POMT1: variants seen among roughly 807,000 people sequenced by gnomAD.
POMT1 encodes the protein protein O-mannosyltransferase 1.
Under a neutral mutation model 101.6 loss-of-function variants are expected in POMT1, and 85 were observed. The observed-to-expected ratio is 0.84, with a 90% CI of 0.70 to 1.00. POMT1 has a LOEUF of 1.00. Among genes scored for constraint, POMT1 ranks in the 50% least tolerant of loss-of-function variants. POMT1 has a pLI of 0.00. For synonymous variants in POMT1, 371 were observed against 383.0 expected (o/e 0.97, Z 0.37); for missense variants, 857 against 930.4 (o/e 0.92, Z 1.03).
At chr9:131,517,807 G>A (rs1054191914) in intron 13 of POMT1, among the ~76,000 whole-genome samples, 5 of 152,344 alleles carry the variant, frequency 3.3e-5, no homozygotes, top group African/African-American at 1.2e-4. Context: ...AGGAAGGAGG[G>A]AGCATGCGTG....
intron 5 of POMT1, 113 bp from the exon 6 acceptor site, chr9:131,508,798 C>A: frequency 2.7e-6 from 2 of 748,530 alleles, no homozygotes; most frequent in Non-Finnish European, 4.8e-6. Context: ...TTCACAACAG[C>A]CCCACACAGT....
chr9:131,514,138 C>T lies in POMT1; in HGVS notation c.1175+807C>T, dbSNP rs1326563450. Among the ~76,000 whole-genome samples the T allele has an allele frequency of 2.0e-5, 3 of 152,324 alleles. No individual in the cohort carries two copies. The East Asian group carries it at 5.8e-4, about 29-fold the overall frequency. On this transcript the variant is annotated intron_variant, in intron 12 of 19. Transcript: ENST00000402686. Reference sequence around the variant, plus strand: ...TGTTTCTCAACCTTCAGAACCAGCCCTGGGTAGGGGTCCTTCCTTCTCCCT... The same window carrying T: ...TGTTTCTCAACCTTCAGAACCAGCCTTGGGTAGGGGTCCTTCCTTCTCCCT...
At chr9:131,516,727 T>C (rs1948761531) in intron 13 of POMT1, 1 of 152,362 alleles carries the variant, frequency 6.6e-6, no homozygotes, top group African/African-American at 2.4e-5. Flanking sequence ...CCAGGTGCGC[T>C]TGAGGCTCTG....
intron 2 of POMT1, 69 bp downstream of exon 2, chr9:131,504,409 G>C: frequency 6.2e-7 from 1 of 1,610,890 alleles, no homozygotes; most frequent in Non-Finnish European, 8.5e-7. Context: ...CGCCCTTACT[G>C]AATAGCATAA....
At position 131,522,551 on chromosome 9, in the gene POMT1, T is replaced by A; in HGVS notation, c.2003+327T>A. 1 of 528,216 alleles carries A rather than the reference T, an allele frequency of 1.9e-6. No individual in the cohort carries two copies. Among genetic ancestry groups the A allele is most frequent in the African/African-American group, 1.9e-5 (1 of 52,464 alleles). The allele number at this position is 528,216 out of a possible 1,614,324, so 32.7% of individuals were successfully genotyped here. ...TGGGGTGTCAGAAACGGCAGCTGGT[T>A]ATGGTCGGGTTGTGTGGTGTGGTGG... is the stretch of plus-strand genomic sequence containing the variant. On this transcript the variant is annotated intron_variant, in intron 19 of 19. Coordinates refer to ENST00000402686, the MANE Select transcript of POMT1 (RefSeq NM_001077365.2). This position sits in a 1 kb window ranked among gnomAD's most constrained non-coding sequence, Gnocchi z 5.5.
In POMT1 at chr9:131,519,083, G is replaced by C. The variant is rs1231997480; in HGVS notation, c.1486+126G>C. The C allele has an allele frequency of 6.9e-7, 1 of 1,450,312 alleles. No homozygotes were observed. Among genetic ancestry groups the C allele is most frequent in the African/African-American group, 1.4e-5 (1 of 71,454 alleles). The allele number at this position is 1,450,312 out of a possible 1,614,324, so 89.8% of individuals were successfully genotyped here. ...AGCACATTCTCCATGCTCGGTGGCA[G>C]GTCATCTCCCTCCCTGCACCCTGCA... is the stretch of plus-strand genomic sequence containing the variant. On this transcript the variant is annotated intron_variant, in intron 15 of 19. Coordinates refer to ENST00000402686, the MANE Select transcript of POMT1 (RefSeq NM_001077365.2). The surrounding 1 kb of genome is among the most constrained non-coding windows in gnomAD (Gnocchi z 4.3).
chr9:131,520,290 G>A, intron 17 of POMT1, 97 bp downstream of exon 17: 1 of 1,112,800 alleles, frequency 9.0e-7, no homozygotes, highest in Non-Finnish European at 1.3e-6. Context: ...AGAAAGTGCT[G>A]GGTTTCTCCC....
In POMT1 at chr9:131,523,240, A is replaced by G; in HGVS notation, c.*134A>G. 2.8e-6 allele frequency: 3 copies of G among 1,075,474 alleles called. No individual in the cohort carries two copies. The highest frequency in any genetic ancestry group is 4.1e-6 in the Non-Finnish European group (3 of 732,648). 66.6% of individuals were successfully genotyped at this position (1,075,474 alleles called of 1,614,324 possible). A position where few individuals can be genotyped will look rare whatever the true frequency, so the allele number is the denominator to read the frequency against. ...TGGGCTGAGCAGGGCCTCTAGTGGA[A>G]CACATGGGGGTCTCATTGAAAAGCT... is the stretch of plus-strand genomic sequence containing the variant. On this transcript the variant is annotated 3_prime_UTR_variant, in exon 20 of 20. Coordinates refer to ENST00000402686, the MANE Select transcript of POMT1 (RefSeq NM_001077365.2).
At chr9:131,520,302 A>C in intron 17 of POMT1, 109 bp downstream of exon 17, 1 of 943,646 alleles carries the variant, frequency 1.1e-6, no homozygotes, top group South Asian at 1.4e-5. Flanking sequence ...GTTTCTCCCA[A>C]GCTTTTCCTG....
chr9:131,512,837 C>G lies in POMT1; in HGVS notation c.1083-402C>G, dbSNP rs370425412. On this transcript the variant is annotated intron_variant, in intron 11 of 19. Coordinates refer to ENST00000402686, the MANE Select transcript of POMT1 (RefSeq NM_001077365.2). The stretch of plus-strand genomic sequence containing the variant: ...ATGTTGGCCAGGCTGGTCTTGAACT[C>G]CTGACATCAAGTGGTCCACCCAGCT... Among the ~76,000 whole-genome samples the G allele has an allele frequency of 3.9e-5, 6 of 152,282 alleles. No individual in the cohort carries two copies. The East Asian group carries it at 9.6e-4, about 24-fold the overall frequency.
chr9:131,515,829 G>A (rs1948314175), intron 13 of POMT1, among the ~76,000 whole-genome samples: 3 of 87,274 alleles, frequency 3.4e-5, no homozygotes, highest in Admixed American at 1.2e-4. Context: ...TCTAACACAG[G>A]ACACTTCCTC....
rs1464524307 is a variant in POMT1 at position 131,518,823 on chromosome 9, T to G, written c.1366-14T>G. On this transcript the variant is annotated splice_polypyrimidine_tract_variant and intron_variant, in intron 14 of 19. Coordinates refer to ENST00000402686, the MANE Select transcript of POMT1 (RefSeq NM_001077365.2). ...CTTCCCATCACGCCCTTTACTCTCC[T>G]GCGGTGTCACCAGCTGAGCGGGGCT... is the stretch of plus-strand genomic sequence containing the variant. 6 of 1,613,920 alleles carry G rather than the reference T, an allele frequency of 3.7e-6. No individual in the cohort carries two copies. Among genetic ancestry groups the G allele is most frequent in the Non-Finnish European group, 4.2e-6 (5 of 1,180,036 alleles).
intron 9 of POMT1, chr9:131,511,018 C>G: frequency 3.3e-6 from 1 of 304,962 alleles, no homozygotes; most frequent in South Asian, 4.2e-5. Context: ...GTTTGGCTCA[C>G]CCTAGTCTTG....
rs897569268 is a variant in POMT1 at position 131,503,619 on chromosome 9, A to T, written c.-31+546A>T. Among the ~76,000 whole-genome samples the T allele has an allele frequency of 6.6e-6, 1 of 152,190 alleles. No homozygotes were observed. Among genetic ancestry groups the T allele is most frequent in the Non-Finnish European group, 1.5e-5 (1 of 68,028 alleles). ...CAAGAGAAGCGGAGCTCAAGGGAAG[A>T]TGAAGCCTGGAGGAGAACGTGGGGG... On this transcript the variant is annotated intron_variant, in intron 1 of 19. Coordinates refer to ENST00000402686, the MANE Select transcript of POMT1 (RefSeq NM_001077365.2). This position sits in a 1 kb window ranked among gnomAD's most constrained non-coding sequence, Gnocchi z 4.4.
chr9:131,511,857 T>A, intron 10 of POMT1, 184 bp from the exon 11 acceptor site: 1 of 664,720 alleles, frequency 1.5e-6, no homozygotes, highest in Non-Finnish European at 2.6e-6. Context: ...CACTTCCAGA[T>A]ACGTTTCTTT....
intron 12 of POMT1, among the ~76,000 whole-genome samples, chr9:131,513,598 T>C (rs1296174080): frequency 6.6e-6 from 1 of 152,160 alleles, no homozygotes; most frequent in Non-Finnish European, 1.5e-5. Context: ...CAGGGCCCCG[T>C]GGATGAGTGT....
Position 131,509,033 on chromosome 9 carries a change from T to C in POMT1, c.539+11T>C. 6.4e-7 allele frequency: 1 copy of C among 1,561,606 alleles called. No individual in the cohort carries two copies. Among genetic ancestry groups the C allele is most frequent in the South Asian group, 1.1e-5 (1 of 90,000 alleles). On this transcript the variant is annotated intron_variant, in intron 6 of 19. Transcript: ENST00000402686. The stretch of plus-strand genomic sequence containing the variant: ...CTGCCAAAAGCACAGGTATGGAAAA[T>C]GGAGTGTCTTCCTAGTTAACGAGAA...
chr9:131,517,640 A>G (rs1353336222), intron 13 of POMT1, among the ~76,000 whole-genome samples: 2 of 152,026 alleles, frequency 1.3e-5, no homozygotes, highest in African/African-American at 4.8e-5. Flanking sequence ...TGTGCTCTGC[A>G]TATCTGTGTG....
Position 131,504,334 on chromosome 9 carries a change from C to G in POMT1, c.116C>G (p.Ala39Gly). The change falls in exon 2 of 20, where the codon GCT becomes GGT. Residue 39 changes from alanine to glycine, a missense_variant. Ala to Gly is a moderately conservative substitution (Grantham distance 60, BLOSUM62 0). Coordinates refer to ENST00000402686, the MANE Select transcript of POMT1 (RefSeq NM_001077365.2). ...CTGTGGCGACTCACCTACCCGCGGG[C>G]TGTGGTGTAAGCTAAATGACTCCAT... The part of the protein sequence containing the change: ...SRLWRLTYPR[A>G]VVFDEVYYGQ... 2 of 1,614,218 alleles carry G rather than the reference C, an allele frequency of 1.2e-6. No individual in the cohort carries two copies. Among genetic ancestry groups the G allele is most frequent in the Non-Finnish European group, 1.7e-6 (2 of 1,180,034 alleles).
Sources: gnomAD v4.1 joint callset for allele counts (sites outside exome capture counted in the v4.1 genomes callset) on GRCh38, gnomAD v4.1.1 for gene constraint, Gnocchi (gnomAD v3.1) non-coding constraint, MANE v1.5 for transcripts, NCBI Gene and HGNC (gene_info 2026-07-23, HGNC 2026-07-21) for gene names.